Variants in STK31 observed in about 807,000 individuals in gnomAD.
The protein encoded by STK31 is serine/threonine-protein kinase 31.
STK31 carries 89 observed loss-of-function variants against 129.7 expected under a neutral mutation model. The ratio of observed to expected loss-of-function variants is 0.69; its 90% CI spans 0.58 to 0.82. The LOEUF (loss-of-function observed/expected upper bound fraction) is 0.82, where lower values mean the gene tolerates loss of function less well. STK31 is among the 40% of genes least tolerant of loss of function. STK31 has a pLI of 0.00. For synonymous variants in STK31, 448 were observed against 395.3 expected (o/e 1.13, Z -1.58); for missense variants, 1,187 against 1,176.4 (o/e 1.01, Z -0.13).
intron 22 of STK31, among the ~76,000 whole-genome samples, chr7:23,814,592 T>G (rs941569593): frequency 3.3e-5 from 5 of 152,068 alleles, no homozygotes; most frequent in African/African-American, 1.2e-4. Context: ...ATATATGCGT[T>G]TGTTCATAGG....
intron 10 of STK31, among the ~76,000 whole-genome samples, chr7:23,761,710 T>C (rs1789476989): frequency 6.8e-6 from 1 of 147,836 alleles, no homozygotes; most frequent in African/African-American, 2.5e-5. Context: ...GCCCAGATGT[T>C]TTTTTTTTTT....
At chr7:23,758,335 T>A (rs904014896) in intron 10 of STK31, among the ~76,000 whole-genome samples, 1 of 152,238 alleles carries the variant, frequency 6.6e-6, no homozygotes, top group Non-Finnish European at 1.5e-5. Flanking sequence ...ACATTTTTTG[T>A]TGAGTCTATT....
At chr7:23,829,458 A>G (rs1794411689) in intron 23 of STK31, among the ~76,000 whole-genome samples, 2 of 152,164 alleles carry the variant, frequency 1.3e-5, no homozygotes, top group African/African-American at 4.8e-5. Context: ...GAACCATCCT[A>G]GCATCCCTGG....
In STK31 at chr7:23,762,822, G is replaced by C; in HGVS notation, c.1315G>C (p.Ala439Pro). Residue 439 changes from alanine to proline, a missense_variant, in exon 11 of 24, where the codon GCC becomes CCC. Physicochemically the swap from Ala to Pro is conservative, Grantham distance 27 (BLOSUM62 -1). This residue lies in a region of STK31 where 975 missense variants were observed against 934.9 expected (regional missense o/e 1.04). Coordinates refer to ENST00000355870, the MANE Select transcript of STK31 (RefSeq NM_031414.5). ...CCAGAGTGAAGGGAATATTTTGATT[G>C]CCCAAAGAAATGAAATGCAGCAGAA... is the stretch of plus-strand genomic sequence containing the variant. ...EYVSEGNILIAQRNEMQQKLY... is the reference protein window; with the variant it reads ...EYVSEGNILIPQRNEMQQKLY... The C allele has an allele frequency of 6.2e-7, 1 of 1,608,926 alleles. No homozygotes were observed. The highest frequency in any genetic ancestry group is 8.5e-7 in the Non-Finnish European group (1 of 1,178,244).
rs184186432 is a variant in STK31, at chr7:23,724,857, T to C, written c.250-2384T>C. Among the ~76,000 whole-genome samples, 267 of 152,376 alleles carry C rather than the reference T, an allele frequency of 1.8e-3. 2 individuals are homozygous for C. The highest frequency in any genetic ancestry group is 8.8e-4 in the Non-Finnish European group (60 of 68,036). ...ATTGTTATTTATTTATTTGTTTGTC[T>C]GAATTTATGTGTTCTTTATTGTTTT... On this transcript the variant is annotated intron_variant, in intron 4 of 23. Coordinates refer to ENST00000355870, the MANE Select transcript of STK31 (RefSeq NM_031414.5).
intron 3 of STK31, among the ~76,000 whole-genome samples, chr7:23,716,010 A>G (rs1786292874): frequency 2.0e-5 from 3 of 152,198 alleles, no homozygotes; most frequent in Non-Finnish European, 4.4e-5. Flanking sequence ...GATCAAAGCC[A>G]GGGAATTAAC....
chr7:23,736,867 AGTTT>A (rs768928501), intron 7 of STK31, 33 bp from the exon 8 acceptor site: 15 of 1,556,270 alleles, frequency 9.6e-6, no homozygotes, highest in East Asian at 2.3e-5. Context: ...AGCCTTATAC[AGTTT>A]GTTTGTCAAA....
At position 23,736,513 on chromosome 7, in the gene STK31, G is replaced by A. The variant is rs1392168203; in HGVS notation, c.843-391G>A. On this transcript the variant is annotated intron_variant, in intron 7 of 23. Transcript: ENST00000355870. ...ATGGGATCTCATCAGTGCTTTAGGA[G>A]CTAAACTGTCAAATGGGGGTGGGAG... Among the ~76,000 whole-genome samples, 3 of 127,170 alleles carry A rather than the reference G, an allele frequency of 2.4e-5. No homozygotes were observed. In the Admixed American group the frequency reaches 3.0e-4, roughly 13 times the overall value. 83.4% of individuals were successfully genotyped at this position (127,170 alleles called of 152,430 possible).
intron 3 of STK31, among the ~76,000 whole-genome samples, chr7:23,713,628 T>A (rs1786112932): frequency 6.6e-6 from 1 of 151,948 alleles, no homozygotes; most frequent in South Asian, 2.1e-4. Context: ...AACTTTTAAT[T>A]TTTTTTTACT....
At chr7:23,788,275 C>T (rs1285083590) in intron 21 of STK31, 146 bp downstream of exon 21, 2 of 656,370 alleles carry the variant, frequency 3.0e-6, no homozygotes, top group Non-Finnish European at 4.4e-6. Flanking sequence ...CAACTATTTG[C>T]CCTCAGCTAG....
At chr7:23,774,592 G>A (rs1790419827) in intron 15 of STK31, among the ~76,000 whole-genome samples, 1 of 152,158 alleles carries the variant, frequency 6.6e-6, no homozygotes, top group Admixed American at 6.5e-5. Flanking sequence ...TTTGAGAAGT[G>A]TCTGTTCATA....
At chr7:23,780,916 C>T (rs1280761888) in intron 15 of STK31, among the ~76,000 whole-genome samples, 2 of 152,160 alleles carry the variant, frequency 1.3e-5, no homozygotes, top group Non-Finnish European at 1.5e-5. Flanking sequence ...TTTCCTTTGG[C>T]TTAGTGATTT....
chr7:23,810,345 C>G (rs1011718483), intron 22 of STK31, among the ~76,000 whole-genome samples: 7 of 151,284 alleles, frequency 4.6e-5, no homozygotes, highest in African/African-American at 1.7e-4. Flanking sequence ...TTTATTTACT[C>G]TTGCTGATCT....
intron 20 of STK31, among the ~76,000 whole-genome samples, 195 bp from the exon 21 acceptor site, chr7:23,787,780 ACAAAC>A (rs1791380859): frequency 6.8e-6 from 1 of 147,430 alleles, no homozygotes; most frequent in Non-Finnish European, 1.5e-5. Flanking sequence ...ACACACACAC[ACAAAC>A]ACACACAGGC....
intron 8 of STK31, among the ~76,000 whole-genome samples, chr7:23,739,135 T>C (rs184574394): frequency 2.0e-5 from 3 of 152,264 alleles, no homozygotes; most frequent in East Asian, 3.9e-4. Flanking sequence ...GTCTCCAGCA[T>C]CTGTTGTTTC....
chr7:23,723,437 G>T (rs1400606497), intron 4 of STK31, among the ~76,000 whole-genome samples: 1 of 152,044 alleles, frequency 6.6e-6, no homozygotes, highest in Non-Finnish European at 1.5e-5. Context: ...GGGATTACAG[G>T]TGTGAGCCAC....
Position 23,769,655 on chromosome 7 carries a change from G to A in STK31, c.1612G>A (p.Val538Met), listed in dbSNP as rs201786056. The change falls in exon 13 of 24, where the codon GTG becomes ATG. Residue 538 changes from valine to methionine, a missense_variant. By Grantham distance (21) the Val-to-Met change is conservative. Transcript: ENST00000355870. ...QRTLKVFDLS[V>M]EGSLISEDAM... Reference sequence around the variant, plus strand: ...TGCAAATGAGGTTTTTGACCTATCTGTGGAAGGATCACTGATTTCAGAAGA... The same window carrying A: ...TGCAAATGAGGTTTTTGACCTATCTATGGAAGGATCACTGATTTCAGAAGA... 7.5e-5 allele frequency: 120 copies of A among 1,610,250 alleles called. No individual in the cohort carries two copies. Among genetic ancestry groups the A allele is most frequent in the Non-Finnish European group, 5.1e-6 (6 of 1,177,918 alleles).
rs1167194516 is a variant in STK31 at position 23,781,421 on chromosome 7, A to G, written c.1968A>G (p.Ser656=). 3 of 1,603,406 alleles carry G rather than the reference A, an allele frequency of 1.9e-6. No homozygotes were observed. The highest frequency in any genetic ancestry group is 2.5e-6 in the Non-Finnish European group (3 of 1,176,546). Residue 656 remains serine (S), a splice_region_variant and synonymous_variant, in exon 16 of 24, where the codon TCA becomes TCG. Coordinates refer to ENST00000355870, the MANE Select transcript of STK31 (RefSeq NM_031414.5). ...KLVEKSNLEE[S]DDPDGSQIEK... is the part of the protein sequence containing the mutation. ...ACACTTTTTCTTTCTGATTCAAGTC[A>G]GATGATCCTGATGGCTCTCAAATTG...
In STK31 at chr7:23,826,157, A is replaced by G. The variant is rs1794137693; in HGVS notation, c.2830-5979A>G. Among the ~76,000 whole-genome samples the G allele has an allele frequency of 1.3e-5, 2 of 151,786 alleles. 1 individual carries two copies. The highest frequency in any genetic ancestry group is 4.2e-4 in the South Asian group (2 of 4,782). ...AGTTCAATTCCTGGATATCCTTGTTAACTTTCTGTCTTGTTGGTCTGCCTA... is the reference window on the plus strand; with the variant it reads ...AGTTCAATTCCTGGATATCCTTGTTGACTTTCTGTCTTGTTGGTCTGCCTA... On this transcript the variant is annotated intron_variant, in intron 23 of 23. Transcript: ENST00000355870.
Sources: gnomAD v4.1 joint callset for allele counts (sites outside exome capture counted in the v4.1 genomes callset) on GRCh38, gnomAD v4.1.1 for gene constraint, gnomAD v4.1.1 regional missense constraint, MANE v1.5 for transcripts, NCBI Gene and HGNC (gene_info 2026-07-23, HGNC 2026-07-21) for gene names.